Variants in GLUD1 observed in about 807,000 individuals in gnomAD.
GLUD1 encodes glutamate dehydrogenase 1.
In GLUD1, 22 loss-of-function variants were observed where a neutral mutation model predicts 56.0. That is an observed-to-expected ratio of 0.39 (90% CI 0.28 to 0.56). The LOEUF is 0.56. Ranked by LOEUF, GLUD1 falls within the 20% of genes least tolerant of loss-of-function variation. The pLI, the probability that GLUD1 is intolerant of heterozygous loss-of-function variation, is 0.58. For synonymous variants in GLUD1, 223 were observed against 269.9 expected, an observed-to-expected ratio of 0.83 and a Z score of 1.70; for missense variants, 451 against 732.0, an observed-to-expected ratio of 0.62 and a Z score of 4.43.
chr10:87,060,760 G>T lies in GLUD1; in HGVS notation c.1125C>A (p.Asp375Glu). The T allele has an allele frequency of 6.2e-7, 1 of 1,614,208 alleles. No individual in the cohort carries two copies. Among genetic ancestry groups the T allele is most frequent in the Non-Finnish European group, 8.5e-7 (1 of 1,180,048 alleles). ...TGGCAGCTGGGATCAGTATGTCACA[G>T]TCGGCCTCCAAGATGCTTCCTTCAT... ...KPYEGSILEA[D>E]CDILIPAASE... is the part of the protein sequence containing the mutation. The change falls in exon 8 of 13, where the codon GAC (aspartate) becomes GAA (glutamate). Residue 375 changes from aspartate (D) to glutamate (E), a missense_variant. Asp to Glu is a conservative substitution (Grantham distance 45). This residue lies in a region of GLUD1 where 248 missense variants were observed against 460.0 expected (regional missense o/e 0.54). Transcript: ENST00000277865.
At position 87,050,267 on chromosome 10, in the gene GLUD1, A is replaced by ATTTCTATAG. The variant is rs1355255199; in HGVS notation, c.*1475_*1483dup. On this transcript the variant is annotated 3_prime_UTR_variant, in exon 13 of 13. Coordinates refer to ENST00000277865, the MANE Select transcript of GLUD1 (RefSeq NM_005271.5). ...AATAAAGACTATGCTTTCAGGGATC[A>ATTTCTATAG]TTTCTATAGTTCGTTACTCGGGAAG... Among the ~76,000 whole-genome samples the ATTTCTATAG allele has an allele frequency of 1.1e-4, 16 of 151,608 alleles. No individual in the cohort carries two copies. The highest frequency in any genetic ancestry group is 3.9e-4 in the African/African-American group (16 of 41,348).
Position 87,051,844 on chromosome 10 carries a change from A to G in GLUD1, c.1584T>C (p.Tyr528=), listed in dbSNP as rs777184291. ...ARQIMRTAMK[Y]NLGLDLRTAA... is the part of the protein sequence containing the mutation. ...CTGTTCTCAGGTCCAATCCCAGGTT[A>G]TACTTCATGGCTGTGCGCATAATTT... The change falls in exon 13 of 13, where the codon TAT becomes TAC. Residue 528 remains tyrosine (Y), a synonymous_variant. Transcript: ENST00000277865. 53 of 1,614,048 alleles carry G rather than the reference A, an allele frequency of 3.3e-5. 1 individual carries two copies. The highest frequency in any genetic ancestry group is 1.5e-4 in the South Asian group (14 of 91,086).
At chr10:87,082,075 T>C (rs988564068) in intron 1 of GLUD1, among the ~76,000 whole-genome samples, 1 of 152,244 alleles carries the variant, frequency 6.6e-6, no homozygotes, top group Admixed American at 6.5e-5. Context: ...CCTTGCTTTC[T>C]TAAGTGGAGG....
intron 11 of GLUD1, among the ~76,000 whole-genome samples, chr10:87,057,354 T>C (rs892133398): frequency 6.6e-6 from 1 of 152,230 alleles, no homozygotes; most frequent in African/African-American, 2.4e-5. Context: ...TCTCAAACTC[T>C]TGGACTCCCA....
chr10:87,076,515 CAT>C (rs1186324170), intron 2 of GLUD1, 59 bp downstream of exon 2: 7 of 963,382 alleles, frequency 7.3e-6, no homozygotes, highest in African/African-American at 4.8e-5. Flanking sequence ...TTAACAGTAA[CAT>C]GTGTGTAAAC....
intron 12 of GLUD1, among the ~76,000 whole-genome samples, chr10:87,052,989 G>C (rs4934292): frequency 0.69 from 104,560 of 151,990 alleles, 36,528 homozygotes; most frequent in African/African-American, 0.8. Context: ...GTCAAAATAA[G>C]TTTTGCTTAT....
chr10:87,081,946 C>CAAAAAAAAAAAA (rs71019464), intron 1 of GLUD1, among the ~76,000 whole-genome samples: 45 of 85,538 alleles, frequency 5.3e-4, no homozygotes, highest in East Asian at 9.6e-4. Context: ...ATGATCAATA[C>CAAAAAAAAAAAA]AAAAAAAAAA....
chr10:87,052,077 C>T (rs1589348242), intron 12 of GLUD1, among the ~76,000 whole-genome samples: 1 of 152,300 alleles, frequency 6.6e-6, no homozygotes. Context: ...TGGCTGGGTG[C>T]GGTGGCTCAC....
chr10:87,056,984 C>A (rs369267179), intron 11 of GLUD1, among the ~76,000 whole-genome samples: 249 of 143,262 alleles, frequency 1.7e-3, no homozygotes, highest in African/African-American at 5.9e-3. Context: ...TTTTTTTTGG[C>A]GGGGGGAGGG....
intron 4 of GLUD1, among the ~76,000 whole-genome samples, chr10:87,070,415 G>A (rs186524000): frequency 5.9e-5 from 9 of 151,712 alleles, no homozygotes; most frequent in Admixed American, 2.0e-4. Flanking sequence ...CCTGGCCAAC[G>A]TGGTAAAACC....
Position 87,076,646 on chromosome 10 carries a change from G to C in GLUD1, c.456C>G (p.Tyr152Ter). The C allele has an allele frequency of 1.3e-6, 2 of 1,597,342 alleles. No homozygotes were observed. Among genetic ancestry groups the C allele is most frequent in the Non-Finnish European group, 1.7e-6 (2 of 1,164,684 alleles). ...CTTCATCTACACTCACATCAGTGCTGTAACGGATACCTGGTGGTGTTTTTA... is the reference window on the plus strand; with the variant it reads ...CTTCATCTACACTCACATCAGTGCTCTAACGGATACCTGGTGGTGTTTTTA... ...HRTPCKGGIR[Y>*]STDVSVDEVK... The change falls in exon 2 of 13, where the codon TAC (tyrosine) becomes TAG (stop). Residue 152 changes from tyrosine to a stop codon, truncating the protein, a stop_gained. Coordinates refer to ENST00000277865, the MANE Select transcript of GLUD1 (RefSeq NM_005271.5). LOFTEE classifies it high-confidence loss of function.
At chr10:87,080,202 G>A (rs867693710) in intron 1 of GLUD1, among the ~76,000 whole-genome samples, 4 of 152,130 alleles carry the variant, frequency 2.6e-5, no homozygotes, top group Middle Eastern at 3.4e-3. Flanking sequence ...GGCCTCCGGA[G>A]GTGCCAGGAT....
intron 1 of GLUD1, among the ~76,000 whole-genome samples, chr10:87,081,996 C>T (rs1459038076): frequency 6.7e-6 from 1 of 149,962 alleles, no homozygotes; most frequent in African/African-American, 2.5e-5. Flanking sequence ...TCTTCTCCCA[C>T]ACATAAATCA....
intron 1 of GLUD1, among the ~76,000 whole-genome samples, chr10:87,080,913 G>A (rs1427020171): frequency 3.5e-5 from 5 of 140,958 alleles, no homozygotes; most frequent in Non-Finnish European, 7.7e-5. Flanking sequence ...CTGCCCAGCC[G>A]CCCCTACTGG....
chr10:87,065,968 C>T (rs1401865257), intron 5 of GLUD1, among the ~76,000 whole-genome samples: 1 of 152,064 alleles, frequency 6.6e-6, no homozygotes, highest in Non-Finnish European at 1.5e-5. Flanking sequence ...CAGGAAATGT[C>T]CCCATTTCCA....
At chr10:87,073,946 T>C (rs1157487094) in intron 4 of GLUD1, among the ~76,000 whole-genome samples, 1 of 152,122 alleles carries the variant, frequency 6.6e-6, no homozygotes, top group African/African-American at 2.4e-5. Context: ...CTATTAACTA[T>C]ACTGATAGGG....
At position 87,066,801 on chromosome 10, in the gene GLUD1, G is replaced by T. The variant is rs1016454801; in HGVS notation, c.741+1262C>A. ...TGTAGTAGGCATAAATGTATTTTTT[G>T]ACTCTGTTTCTCTTCCTACTCCTGA... On this transcript the variant is annotated intron_variant, in intron 5 of 12. Transcript: ENST00000277865. Among the ~76,000 whole-genome samples the T allele has an allele frequency of 3.3e-5, 5 of 152,218 alleles. 1 individual carries two copies. In the South Asian group the frequency reaches 1.0e-3, roughly 32 times the overall value.
At chr10:87,085,911 C>A (rs941460590) in intron 1 of GLUD1, among the ~76,000 whole-genome samples, 1 of 152,140 alleles carries the variant, frequency 6.6e-6, no homozygotes, top group Admixed American at 6.5e-5. Context: ...AACTTAGCTG[C>A]ACTTTCACAC....
At chr10:87,074,681 C>T (rs1346025397) in intron 3 of GLUD1, 67 bp from the exon 4 acceptor site, 1 of 873,124 alleles carries the variant, frequency 1.1e-6, no homozygotes, top group Non-Finnish European at 2.0e-6. Flanking sequence ...TTATAGCTAG[C>T]ATCTTATTTT....
Sources: allele counts gnomAD v4.1 joint callset (sites outside exome capture counted in the v4.1 genomes callset), GRCh38; gene constraint gnomAD v4.1.1; regional missense constraint gnomAD v4.1.1; transcripts MANE v1.5; gene names NCBI Gene and HGNC (gene_info 2026-07-23, HGNC 2026-07-21).